Variants in GRIN2B observed in about 807,000 individuals in gnomAD.
GRIN2B encodes glutamate receptor ionotropic, NMDA 2B.
Under a neutral mutation model 114.5 loss-of-function variants are expected in GRIN2B, and 5 were observed. The ratio of observed to expected loss-of-function variants is 0.04; its 90% CI spans 0.02 to 0.09. GRIN2B has a LOEUF of 0.09. Ranked by LOEUF, GRIN2B falls within the 10% of genes least tolerant of loss-of-function variation. The pLI is 1.00. For missense variants in GRIN2B, 1,108 were observed against 1,943.5 expected (o/e 0.57, Z 8.08); for synonymous variants, 787 against 745.1 (o/e 1.06, Z -0.92).
intron 3 of GRIN2B, among the ~76,000 whole-genome samples, chr12:13,788,160 T>C (rs1454459620): frequency 6.6e-6 from 1 of 152,278 alleles, no homozygotes; most frequent in African/African-American, 2.4e-5. Context: ...TCTAAATATA[T>C]AATTTTTCTC....
rs115598894 is a variant in GRIN2B, at chr12:13,813,310, G to A, written c.411+52488C>T. Among the ~76,000 whole-genome samples the A allele has an allele frequency of 3.9e-3, 600 of 152,178 alleles. 1 individual carries two copies. Among genetic ancestry groups the A allele is most frequent in the African/African-American group, 8.5e-3 (351 of 41,506 alleles). On this transcript the variant is annotated intron_variant, in intron 3 of 13. Transcript: ENST00000609686. ...TAAAGCTATTTAGAGTCATCCATTC[G>A]AATGCTAAATATCAGAATTATGATA...
intron 2 of GRIN2B, among the ~76,000 whole-genome samples, chr12:13,892,212 T>C (rs145659819): frequency 1.4e-4 from 22 of 152,250 alleles, no homozygotes; most frequent in African/African-American, 4.6e-4. Context: ...CAAGGTGAGA[T>C]CCTTAAATTA....
chr12:13,563,375 G>A lies in GRIN2B; in HGVS notation c.3863C>T (p.Ser1288Phe). Residue 1288 changes from serine to phenylalanine, a missense_variant, in exon 14 of 14, where the codon TCC (serine) becomes TTC (phenylalanine). Transcript: ENST00000609686. ...GTTCCGGTTCTTCTTCTGGGCCTTGGAATTAGTCGGGCTCTGAGGGTACTT... is the reference window on the plus strand; with the variant it reads ...GTTCCGGTTCTTCTTCTGGGCCTTGAAATTAGTCGGGCTCTGAGGGTACTT... ...TTKYPQSPTNSKAQKKNRNKL... is the reference protein window; with the variant it reads ...TTKYPQSPTNFKAQKKNRNKL... 6.2e-7 allele frequency: 1 copy of A among 1,614,204 alleles called. No individual in the cohort carries two copies. Among genetic ancestry groups the A allele is most frequent in the East Asian group, 2.2e-5 (1 of 44,890 alleles).
chr12:13,884,725 C>T (rs896890419), intron 2 of GRIN2B, among the ~76,000 whole-genome samples: 1 of 152,074 alleles, frequency 6.6e-6, no homozygotes, highest in Non-Finnish European at 1.5e-5. Flanking sequence ...AGGATATTAC[C>T]TGTAGGGTTT....
At chr12:13,721,489 C>T (rs1430959838) in intron 4 of GRIN2B, among the ~76,000 whole-genome samples, 1 of 151,980 alleles carries the variant, frequency 6.6e-6, no homozygotes, top group East Asian at 1.9e-4. Context: ...ATAGCATGGA[C>T]TTATGTGTTG....
intron 5 of GRIN2B, among the ~76,000 whole-genome samples, chr12:13,629,926 C>T: frequency 6.6e-6 from 1 of 152,138 alleles, no homozygotes. Flanking sequence ...CTTGGCTGGA[C>T]TAAGGGGTTA....
At chr12:13,681,866 T>C (rs1169134788) in intron 4 of GRIN2B, among the ~76,000 whole-genome samples, 1 of 152,182 alleles carries the variant, frequency 6.6e-6, no homozygotes, top group Non-Finnish European at 1.5e-5. Flanking sequence ...GCTGCTGTTA[T>C]TACTCTCTAC....
At chr12:13,623,534 G>T (rs1949538572) in intron 5 of GRIN2B, among the ~76,000 whole-genome samples, 1 of 152,126 alleles carries the variant, frequency 6.6e-6, no homozygotes, top group Non-Finnish European at 1.5e-5. Flanking sequence ...TCATCTCCTT[G>T]CCTCACAGTG....
chr12:13,658,852 C>A (rs936671406), intron 5 of GRIN2B, among the ~76,000 whole-genome samples: 7 of 151,610 alleles, frequency 4.6e-5, no homozygotes, highest in African/African-American at 1.7e-4. Context: ...CCCCTCCTCT[C>A]CTCCTTAAAG....
chr12:13,951,284 A>G (rs564813120), intron 2 of GRIN2B, among the ~76,000 whole-genome samples: 1 of 152,270 alleles, frequency 6.6e-6, no homozygotes, highest in African/African-American at 2.4e-5. Flanking sequence ...ATGCAGACTG[A>G]CTGAGGCCAG....
At chr12:13,639,350 C>T (rs1025155359) in intron 5 of GRIN2B, among the ~76,000 whole-genome samples, 39 of 152,224 alleles carry the variant, frequency 2.6e-4, no homozygotes, top group African/African-American at 9.1e-4. Flanking sequence ...GCAGTAAAAG[C>T]AGTCACAGTG....
At chr12:13,643,546 T>C (rs1317358455) in intron 5 of GRIN2B, among the ~76,000 whole-genome samples, 3 of 152,120 alleles carry the variant, frequency 2.0e-5, no homozygotes, top group African/African-American at 7.2e-5. Context: ...GGGGTGACTA[T>C]GGCGATTTCT....
chr12:13,805,962 T>A (rs1395418374), intron 3 of GRIN2B, among the ~76,000 whole-genome samples: 1 of 152,162 alleles, frequency 6.6e-6, no homozygotes, highest in African/African-American at 2.4e-5. Context: ...ATTTCATATA[T>A]AAGTGAGATC....
Position 13,703,420 on chromosome 12 carries a change from AAAT to A in GRIN2B, c.1011-27564_1011-27562del, listed in dbSNP as rs1210863772. Among the ~76,000 whole-genome samples, 3 of 152,298 alleles carry A rather than the reference AAAT, an allele frequency of 2.0e-5. No individual in the cohort carries two copies. The South Asian group carries it at 6.2e-4, about 32-fold the overall frequency. On this transcript the variant is annotated intron_variant, in intron 4 of 13. Coordinates refer to ENST00000609686, the MANE Select transcript of GRIN2B (RefSeq NM_000834.5). Reference sequence around the variant, plus strand: ...GCAAATGAAAAAATGCAGTTAAGAAAAATAATAATAATTTCACTTTGTAGAGAC... The same window carrying A: ...GCAAATGAAAAAATGCAGTTAAGAAAAATAATAATTTCACTTTGTAGAGAC...
At chr12:13,762,080 T>G (rs1863689443) in intron 3 of GRIN2B, among the ~76,000 whole-genome samples, 1 of 152,198 alleles carries the variant, frequency 6.6e-6, no homozygotes, top group Non-Finnish European at 1.5e-5. Flanking sequence ...CTCGGCTCAC[T>G]GCAACCTCCA....
Position 13,865,884 on chromosome 12 carries a change from C to T in GRIN2B, c.325G>A (p.Ala109Thr), listed in dbSNP as rs772078838. The change falls in exon 3 of 14, where the codon GCC becomes ACC. Residue 109 changes from alanine (A) to threonine (T), a missense_variant. Ala to Thr is a moderately conservative substitution (Grantham distance 58). Transcript: ENST00000609686. Reference protein sequence around the residue: ...FADDTDQEAIAQILDFISAQT... With the variant: ...FADDTDQEAITQILDFISAQT... ...GCTGAAATGAAATCGAGGATCTGGG[C>T]GATGGCTTCCTGGTCTGTGTCATCA... 1 of 1,613,974 alleles carries T rather than the reference C, an allele frequency of 6.2e-7. No homozygotes were observed. The highest frequency in any genetic ancestry group is 1.7e-5 in the Admixed American group (1 of 60,022).
intron 5 of GRIN2B, among the ~76,000 whole-genome samples, chr12:13,667,133 T>C (rs1424830793): frequency 6.6e-6 from 1 of 152,050 alleles, no homozygotes; most frequent in East Asian, 1.9e-4. Context: ...TTACAAGCCC[T>C]CAACTTTCAA....
rs947433997 is a variant in GRIN2B at position 13,879,085 on chromosome 12, A to C, written c.-18-12859T>G. On this transcript the variant is annotated intron_variant, in intron 2 of 13. Transcript: ENST00000609686. ...ATTTTTACTGACTATACAAATTAGA[A>C]ACCAAAGTATAAGGAAATACAATCA... Among the ~76,000 whole-genome samples the C allele has an allele frequency of 2.0e-5, 3 of 152,206 alleles. 1 individual carries two copies. Among genetic ancestry groups the C allele is most frequent in the Admixed American group, 2.0e-4 (3 of 15,282 alleles).
intron 4 of GRIN2B, among the ~76,000 whole-genome samples, chr12:13,745,154 T>G (rs1002828959): frequency 6.6e-6 from 1 of 152,152 alleles, no homozygotes; most frequent in Non-Finnish European, 1.5e-5. Flanking sequence ...GGGAAGCTCA[T>G]GTTAGTTAAG....
Sources: allele counts gnomAD v4.1 joint callset (sites outside exome capture counted in the v4.1 genomes callset), GRCh38; gene constraint gnomAD v4.1.1; transcripts MANE v1.5; gene names NCBI Gene and HGNC (gene_info 2026-07-23, HGNC 2026-07-21).